Variants in NEK10 observed in about 807,000 individuals in gnomAD.
The protein encoded by NEK10 is serine/threonine-protein kinase Nek10.
In NEK10, 122 loss-of-function variants were observed where a neutral mutation model predicts 159.8. The ratio of observed to expected loss-of-function variants is 0.76; its 90% CI spans 0.66 to 0.89. The LOEUF is 0.89. Ranked by LOEUF, NEK10 falls within the 40% of genes least tolerant of loss-of-function variation. NEK10 has a pLI of 0.00. For synonymous variants in NEK10, 466 were observed against 457.1 expected (o/e 1.02, Z -0.25); for missense variants, 1,342 against 1,323.1 (o/e 1.01, Z -0.22).
chr3:27,120,134 G>GA (rs1369471722), intron 32 of NEK10, among the ~76,000 whole-genome samples: 1 of 152,008 alleles, frequency 6.6e-6, no homozygotes, highest in African/African-American at 2.4e-5. Context: ...GAGAGCAAAA[G>GA]AAAAATGAAT....
intron 23 of NEK10, among the ~76,000 whole-genome samples, chr3:27,249,712 A>G (rs1463370284): frequency 6.6e-6 from 1 of 152,126 alleles, no homozygotes; most frequent in Non-Finnish European, 1.5e-5. Context: ...TCATCCATTT[A>G]CATTCAATGT....
intron 35 of NEK10, 58 bp downstream of exon 35, chr3:27,115,882 C>A: frequency 8.2e-7 from 1 of 1,217,330 alleles, no homozygotes; most frequent in Non-Finnish European, 1.2e-6. Flanking sequence ...GAAATTAGAT[C>A]TAACATCTGA....
At chr3:27,271,694 G>A (rs1434256341) in intron 22 of NEK10, among the ~76,000 whole-genome samples, 2 of 152,100 alleles carry the variant, frequency 1.3e-5, no homozygotes, top group Non-Finnish European at 2.9e-5. Context: ...GGAGACCTGG[G>A]TGGTAACAGA....
intron 16 of NEK10, 26 bp from the exon 17 acceptor site, chr3:27,291,612 A>G: frequency 4.0e-6 from 5 of 1,264,952 alleles, no homozygotes; most frequent in Non-Finnish European, 4.6e-6. Flanking sequence ...CACACACTTA[A>G]AGTAGAACTT....
At chr3:27,312,850 A>G (rs923615095) in intron 7 of NEK10, among the ~76,000 whole-genome samples, 3 of 152,212 alleles carry the variant, frequency 2.0e-5, no homozygotes, top group African/African-American at 7.2e-5. Context: ...AACAAAAAAT[A>G]AACATGAATC....
rs567092116 is a variant in NEK10, at chr3:27,204,301, GTTTT to G, written c.2091-1748_2091-1745del. Reference sequence around the variant, plus strand: ...TTTTTTTTTTTTTTTTTTTGTTGTTGTTTTTTTTTTTTTTTTTTTTATTATACTT... The same window carrying G: ...TTTTTTTTTTTTTTTTTTTGTTGTTGTTTTTTTTTTTTTTTTATTATACTT... On this transcript the variant is annotated intron_variant, in intron 23 of 35. Transcript: ENST00000691995. 9.7e-3 allele frequency among the ~76,000 whole-genome samples: 642 copies of G among 66,374 alleles called. 2 individuals are homozygous for G. The highest frequency in any genetic ancestry group is 0.037 in the African/African-American group (620 of 16,792). The allele number at this position is 66,374 out of a possible 152,430, so 43.5% of individuals were successfully genotyped here.
intron 5 of NEK10, among the ~76,000 whole-genome samples, chr3:27,339,078 T>A (rs1375030192): frequency 1.3e-5 from 2 of 151,862 alleles, no homozygotes; most frequent in East Asian, 3.9e-4. Context: ...TACAAGGAAC[T>A]CAAACAGCTC....
At chr3:27,194,084 T>C (rs781569575) in intron 25 of NEK10, 1 of 152,264 alleles carries the variant, frequency 6.6e-6, no homozygotes, top group South Asian at 2.1e-4. Flanking sequence ...ATAGTCTCGT[T>C]GCTCTGAAAT....
At chr3:27,180,413 A>AAGGGAAGGGG (rs1231356837) in intron 26 of NEK10, among the ~76,000 whole-genome samples, 17 of 137,898 alleles carry the variant, frequency 1.2e-4, no homozygotes, top group Admixed American at 9.6e-4. Context: ...AAGACAAGGG[A>AAGGGAAGGGG]AGGGAAGGGG....
chr3:27,131,446 A>T (rs998322268), intron 32 of NEK10, among the ~76,000 whole-genome samples: 1 of 152,212 alleles, frequency 6.6e-6, no homozygotes, highest in Non-Finnish European at 1.5e-5. Context: ...AGACTATCTA[A>T]GATGGAAAGA....
chr3:27,203,086 A>C (rs1407200855), intron 23 of NEK10, among the ~76,000 whole-genome samples: 1 of 152,202 alleles, frequency 6.6e-6, no homozygotes, highest in African/African-American at 2.4e-5. Flanking sequence ...CCAGAGGAAG[A>C]ATGTGTAACA....
chr3:27,205,258 A>G (rs1345988409), intron 23 of NEK10, among the ~76,000 whole-genome samples: 17 of 147,946 alleles, frequency 1.1e-4, no homozygotes, highest in African/African-American at 3.2e-4. Flanking sequence ...GGAAGAATCA[A>G]TATCGTGAAA....
intron 26 of NEK10, among the ~76,000 whole-genome samples, chr3:27,191,669 A>G (rs1949134438): frequency 6.6e-6 from 1 of 152,228 alleles, no homozygotes; most frequent in Admixed American, 6.5e-5. Flanking sequence ...CCTTCTCTGA[A>G]TTAACTCACA....
chr3:27,238,119 T>C (rs35993550), intron 23 of NEK10, among the ~76,000 whole-genome samples: 30,752 of 152,154 alleles, frequency 0.2, 3,916 homozygotes, highest in Middle Eastern at 0.38. Context: ...CTAATTTAGT[T>C]TTAGCCAAGA....
chr3:27,337,788 T>A (rs551729134), intron 5 of NEK10, among the ~76,000 whole-genome samples: 2 of 152,124 alleles, frequency 1.3e-5, no homozygotes, highest in Non-Finnish European at 1.5e-5. Context: ...TCTCTCACCA[T>A]ATACAAAAAT....
At chr3:27,312,047 G>T (rs759837140) in intron 8 of NEK10, 52 bp downstream of exon 8, 7 of 1,161,102 alleles carry the variant, frequency 6.0e-6, no homozygotes, top group Non-Finnish European at 7.7e-6. Context: ...ACACCATACT[G>T]CTTTTTCTAG....
chr3:27,260,474 T>A (rs1188951068), intron 22 of NEK10, among the ~76,000 whole-genome samples: 1 of 152,232 alleles, frequency 6.6e-6, no homozygotes, highest in Non-Finnish European at 1.5e-5. Context: ...TCTGTTGAGA[T>A]AATCATGTGG....
At chr3:27,357,293 A>G (rs1381890285) in intron 1 of NEK10, among the ~76,000 whole-genome samples, 1 of 152,210 alleles carries the variant, frequency 6.6e-6, no homozygotes, top group Non-Finnish European at 1.5e-5. Context: ...TAATAAATGG[A>G]TGAACGGATA....
At chr3:27,226,619 G>T (rs1463827005) in intron 23 of NEK10, among the ~76,000 whole-genome samples, 1 of 152,138 alleles carries the variant, frequency 6.6e-6, no homozygotes, top group Non-Finnish European at 1.5e-5. Flanking sequence ...AACTCATAGT[G>T]AACAGAGGCA....
Sources: allele counts gnomAD v4.1 joint callset (sites outside exome capture counted in the v4.1 genomes callset), GRCh38; gene constraint gnomAD v4.1.1; transcripts MANE v1.5; gene names NCBI Gene and HGNC (gene_info 2026-07-23, HGNC 2026-07-21).